The following ACTR3C variants were observed in gnomAD, a reference collection of about 807,000 sequenced individuals.
ACTR3C encodes the protein actin related protein 3C.
ACTR3C carries 18 observed loss-of-function variants against 26.3 expected under a neutral mutation model. That is an observed-to-expected ratio of 0.68 (90% CI 0.47 to 1.01). The LOEUF (loss-of-function observed/expected upper bound fraction) is 1.01. ACTR3C is among the 50% of genes least tolerant of loss of function. ACTR3C has a pLI of 0.00. For synonymous variants in ACTR3C, 55 were observed against 94.5 expected (o/e 0.58, Z 2.42); for missense variants, 184 against 250.7 (o/e 0.73, Z 1.80).
chr7:150,126,054 C>T, the ACTR3C span, among the ~76,000 whole-genome samples: 1 of 152,190 alleles, frequency 6.6e-6, no homozygotes, highest in African/African-American at 2.4e-5. Context: ...TCTGATGACA[C>T]AGCGCTTGAC....
chr7:150,063,348 A>G, the ACTR3C span, among the ~76,000 whole-genome samples: 5 of 151,634 alleles, frequency 3.3e-5, no homozygotes, highest in Non-Finnish European at 7.4e-5. Context: ...GGTCCTGGGA[A>G]ATGTCTGTTA....
At chr7:150,076,175 A>G in the ACTR3C span, among the ~76,000 whole-genome samples, 2 of 151,780 alleles carry the variant, frequency 1.3e-5, no homozygotes, top group Non-Finnish European at 2.9e-5. Context: ...TGGTTTTCCT[A>G]CATTTGAAAA....
At chr7:150,001,869 A>G in the ACTR3C span, 1 of 151,978 alleles carries the variant, frequency 6.6e-6, no homozygotes, top group Non-Finnish European at 1.5e-5. Context: ...GAAAGTAGAA[A>G]GGGAGGCAAG....
In ACTR3C at chr7:150,308,358, C is replaced by T. The variant is rs561580711; in HGVS notation, c.-51-13011G>A. Among the ~76,000 whole-genome samples, 13 of 152,284 alleles carry T rather than the reference C, an allele frequency of 8.5e-5. No homozygotes were observed. In the South Asian group the frequency reaches 1.5e-3, roughly 17 times the overall value. On this transcript the variant is annotated intron_variant, in intron 1 of 7. Transcript: ENST00000683684. ...AGAGTCTTATTTTCTTCTGCAACTC[C>T]GCTTGGCCCCAATACAAGCTCGACA...
chr7:149,926,767 C>T, the ACTR3C span, among the ~76,000 whole-genome samples: 5 of 152,116 alleles, frequency 3.3e-5, no homozygotes, highest in African/African-American at 7.2e-5. Context: ...GAGTGGTCTG[C>T]GGAACCCCTG....
intron 1 of ACTR3C, among the ~76,000 whole-genome samples, chr7:150,314,327 C>G (rs1350412264): frequency 6.6e-6 from 1 of 152,176 alleles, no homozygotes; most frequent in Admixed American, 6.5e-5. Context: ...ATTTAATACA[C>G]CTTAGAAAAT....
At chr7:149,999,689 A>T in the ACTR3C span, among the ~76,000 whole-genome samples, 1 of 151,528 alleles carries the variant, frequency 6.6e-6, no homozygotes, top group Non-Finnish European at 1.5e-5. Context: ...CTAGGAGGCC[A>T]GCAAGCGGAG....
At chr7:150,134,348 G>T in the ACTR3C span, among the ~76,000 whole-genome samples, 20 of 152,150 alleles carry the variant, frequency 1.3e-4, no homozygotes, top group Non-Finnish European at 2.5e-4. Context: ...AAGGGCTGGG[G>T]AGACAGCAGA....
intron 1 of ACTR3C, among the ~76,000 whole-genome samples, chr7:150,317,261 G>A (rs1029874342): frequency 6.6e-6 from 1 of 152,078 alleles, no homozygotes; most frequent in Admixed American, 6.6e-5. Flanking sequence ...TGTTGGCCAG[G>A]CTGGTCTCGA....
At chr7:150,290,457 T>A (rs977787597) in intron 3 of ACTR3C, among the ~76,000 whole-genome samples, 1 of 151,952 alleles carries the variant, frequency 6.6e-6, no homozygotes, top group Non-Finnish European at 1.5e-5. Context: ...ACCGTCAGAG[T>A]GGACAACGCC....
At chr7:149,945,785 C>G in the ACTR3C span, among the ~76,000 whole-genome samples, 2 of 152,182 alleles carry the variant, frequency 1.3e-5, no homozygotes, top group African/African-American at 4.8e-5. Context: ...ACTGGGGAGG[C>G]CATCGTCTGA....
chr7:150,239,461 C>T (rs532192195), downstream of ACTR3C, among the ~76,000 whole-genome samples: 751 of 138,266 alleles, frequency 5.4e-3, 15 homozygotes, highest in South Asian at 0.044. Context: ...CCACTCCACA[C>T]ATTGAAGCAC....
chr7:150,127,642 A>G, the ACTR3C span, among the ~76,000 whole-genome samples: 5 of 152,254 alleles, frequency 3.3e-5, no homozygotes, highest in African/African-American at 1.2e-4. Flanking sequence ...ACTAGAAAGC[A>G]GAAAAACATA....
At chr7:150,034,847 T>G in the ACTR3C span, among the ~76,000 whole-genome samples, 3 of 141,860 alleles carry the variant, frequency 2.1e-5, no homozygotes, top group Non-Finnish European at 3.1e-5. Context: ...ATGGGTGTCC[T>G]AAGAGCCAGT....
At chr7:149,904,533 AAAAC>A in the ACTR3C span, among the ~76,000 whole-genome samples, 1 of 107,692 alleles carries the variant, frequency 9.3e-6, no homozygotes, top group African/African-American at 2.6e-5. Context: ...TCCATCTCAA[AAAAC>A]AACAACAACA....
chr7:150,015,051 G>A, the ACTR3C span, among the ~76,000 whole-genome samples: 3 of 152,144 alleles, frequency 2.0e-5, no homozygotes, highest in African/African-American at 4.8e-5. Flanking sequence ...ATGTAGAAGA[G>A]ATATAAAAGG....
downstream of ACTR3C, among the ~76,000 whole-genome samples, chr7:150,242,567 C>T (rs976969499): frequency 3.9e-5 from 6 of 152,056 alleles, no homozygotes; most frequent in Non-Finnish European, 7.3e-5. Flanking sequence ...TGAGGTAGAA[C>T]TCCAGCTACT....
chr7:150,068,579 C>A, the ACTR3C span, among the ~76,000 whole-genome samples: 59 of 151,296 alleles, frequency 3.9e-4, no homozygotes, highest in African/African-American at 1.3e-3. Context: ...TCGAGACCAT[C>A]CATCCTGGCT....
chr7:150,253,910 G>GT lies in ACTR3C; in HGVS notation c.565-4857dup, dbSNP rs199570332. Among the ~76,000 whole-genome samples, 326 of 145,216 alleles carry GT rather than the reference G, an allele frequency of 2.2e-3. 4 individuals are homozygous for GT. The highest frequency in any genetic ancestry group is 3.5e-3 in the Middle Eastern group (1 of 282). ...GTTGCTAAGTACAGTTTTTTTTCGTGTTTTTTTTTTTCCCCCAGCATTTTC... is the reference window on the plus strand; with the variant it reads ...GTTGCTAAGTACAGTTTTTTTTCGTGTTTTTTTTTTTTCCCCCAGCATTTTC... On this transcript the variant is annotated intron_variant, in intron 6 of 7. Transcript: ENST00000683684.
Sources: allele counts gnomAD v4.1 joint callset (sites outside exome capture counted in the v4.1 genomes callset), GRCh38; gene constraint gnomAD v4.1.1; transcripts MANE v1.5; gene names NCBI Gene and HGNC (gene_info 2026-07-23, HGNC 2026-07-21).